MGST1: variants seen among roughly 807,000 people sequenced by gnomAD.
MGST1 encodes glutathione S-transferase 12.
A neutral mutation model predicts 8.9 loss-of-function variants in MGST1; 5 were observed. That is an observed-to-expected ratio of 0.56 (90% CI 0.29 to 1.19). The LOEUF is 1.19. Ranked by LOEUF, MGST1 falls within the 50% of genes most tolerant of loss-of-function variation. MGST1 has a pLI of 0.08. For synonymous variants in MGST1, 54 were observed against 67.8 expected (o/e 0.80, Z 1.00); for missense variants, 182 against 187.4 (o/e 0.97, Z 0.17).
At chr12:16,484,012 G>T (rs748557590) in intron 4 of MGST1, among the ~76,000 whole-genome samples, 12 of 152,192 alleles carry the variant, frequency 7.9e-5, no homozygotes. Context: ...TCTGACTACA[G>T]TGGGACCAAA....
chr12:16,352,029 A>G (rs1185291960), intron 1 of MGST1, among the ~76,000 whole-genome samples: 1 of 152,214 alleles, frequency 6.6e-6, no homozygotes, highest in Non-Finnish European at 1.5e-5. Context: ...AGCAGAATTA[A>G]TCAAGCCTCT....
intron 4 of MGST1, among the ~76,000 whole-genome samples, chr12:16,499,231 A>G (rs1402004104): frequency 6.6e-6 from 1 of 152,200 alleles, no homozygotes; most frequent in Non-Finnish European, 1.5e-5. Flanking sequence ...TACGTGGGTA[A>G]ATGCATAAAA....
intron 4 of MGST1, among the ~76,000 whole-genome samples, chr12:16,520,495 G>A (rs11056979): frequency 0.046 from 7,033 of 152,174 alleles, 416 homozygotes; most frequent in East Asian, 0.14. Flanking sequence ...GAGACTCGAA[G>A]AGCTGAGTCA....
At chr12:16,380,968 C>T (rs1445162255), downstream of MGST1, among the ~76,000 whole-genome samples, 1 of 152,044 alleles carries the variant, frequency 6.6e-6, no homozygotes, top group African/African-American at 2.4e-5. Flanking sequence ...ATTGCAATCC[C>T]TGCCTTTTTT....
intron 4 of MGST1, among the ~76,000 whole-genome samples, chr12:16,578,427 GAGA>G (rs1329789666): frequency 6.6e-6 from 1 of 152,220 alleles, no homozygotes; most frequent in African/African-American, 2.4e-5. Flanking sequence ...GAACAGGGAA[GAGA>G]AGAAGCAGTT....
At chr12:16,578,419 A>G (rs1943059454) in intron 4 of MGST1, among the ~76,000 whole-genome samples, 1 of 152,220 alleles carries the variant, frequency 6.6e-6, no homozygotes, top group Admixed American at 6.5e-5. Flanking sequence ...GGATGGAGGA[A>G]CAGGGAAGAG....
chr12:16,566,074 A>C (rs898377681), intron 4 of MGST1, among the ~76,000 whole-genome samples: 14 of 137,568 alleles, frequency 1.0e-4, no homozygotes, highest in African/African-American at 3.2e-4. Flanking sequence ...AAAAAGAATG[A>C]AATCCTGTCA....
In MGST1 at chr12:16,482,103, G is replaced by C. The variant is rs1340504834; in HGVS notation, n.482+98499G>C. On this transcript the variant is annotated intron_variant and non_coding_transcript_variant, in intron 4 of 4. Coordinates refer to the MGST1 transcript ENST00000538857. This position sits in a 1 kb window ranked among gnomAD's most constrained non-coding sequence, Gnocchi z 4.2. ...AAAATATAATAGTCAACATAAAATT[G>C]TATTCTAGCTAAATTTTACTTAAAA... 6.6e-6 allele frequency among the ~76,000 whole-genome samples: 1 copy of C among 152,086 alleles called. No homozygotes were observed. Among genetic ancestry groups the C allele is most frequent in the Admixed American group, 6.5e-5 (1 of 15,276 alleles).
intron 4 of MGST1, among the ~76,000 whole-genome samples, chr12:16,524,313 A>G (rs1941667749): frequency 6.6e-6 from 1 of 152,090 alleles, no homozygotes; most frequent in South Asian, 2.1e-4. Context: ...TTTGGTTCAG[A>G]ACTTTTTTGT....
rs9332944 is a variant in MGST1, at chr12:16,363,857, T to G, written c.284T>G (p.Leu95Trp). 6.2e-7 allele frequency: 1 copy of G among 1,613,656 alleles called. No individual in the cohort carries two copies. Among genetic ancestry groups the G allele is most frequent in the Non-Finnish European group, 8.5e-7 (1 of 1,179,652 alleles). The change falls in exon 4 of 4, where the codon TTG becomes TGG. Residue 95 changes from leucine to tryptophan, a missense_variant. By Grantham distance (61) the Leu-to-Trp change is moderately conservative (BLOSUM62 -2). Coordinates refer to ENST00000396210, the MANE Select transcript of MGST1 (RefSeq NM_020300.5). The surrounding 1 kb of genome is among the most constrained non-coding windows in gnomAD (Gnocchi z 4.6). The part of the protein sequence containing the change: ...PFLGIGLLYS[L>W]SGPDPSTAIL... ...CTTGGAATTGGCCTCCTGTATTCCT[T>G]GAGTGGTCCCGACCCCTCTACAGCC...
At chr12:16,360,195 C>G in intron 3 of MGST1, 1 of 247,026 alleles carries the variant, frequency 4.0e-6, no homozygotes, top group Middle Eastern at 2.0e-3. Context: ...GAAAAAGTGC[C>G]TAATAACACA....
At chr12:16,570,624 A>G (rs1591792890) in intron 4 of MGST1, among the ~76,000 whole-genome samples, 1 of 152,162 alleles carries the variant, frequency 6.6e-6, no homozygotes, top group East Asian at 1.9e-4. Flanking sequence ...AGAGCCACTT[A>G]CTCACTCAGG....
chr12:16,402,010 T>C (rs1940659941), intron 1 of MGST1: 5 of 1,608,232 alleles, frequency 3.1e-6, no homozygotes, highest in African/African-American at 2.7e-5. Flanking sequence ...TTGTCTTTGC[T>C]GAACACTCCA....
At chr12:16,382,769 G>A (rs1940468699), upstream of MGST1, 1 of 152,766 alleles carries the variant, frequency 6.5e-6, no homozygotes, top group Non-Finnish European at 1.5e-5. Flanking sequence ...AGGCCTCCTT[G>A]AGCTGTGGTG....
At chr12:16,403,723 C>T (rs1940678095) in intron 1 of MGST1, among the ~76,000 whole-genome samples, 1 of 152,010 alleles carries the variant, frequency 6.6e-6, no homozygotes, top group South Asian at 2.1e-4. Context: ...CCTCAGGAAA[C>T]TTATAGTCAT....
intron 1 of MGST1, among the ~76,000 whole-genome samples, chr12:16,351,042 GAA>G (rs974623315): frequency 6.6e-6 from 1 of 151,638 alleles, no homozygotes; most frequent in Non-Finnish European, 1.5e-5. Context: ...CAATGAGGGG[GAA>G]AAAAAAGTTC....
At chr12:16,480,140 T>G (rs1415764521) in intron 4 of MGST1, among the ~76,000 whole-genome samples, 2 of 150,498 alleles carry the variant, frequency 1.3e-5, no homozygotes, top group East Asian at 4.0e-4. Context: ...AATAAAAATT[T>G]GCTTTTTTTT....
intron 4 of MGST1, among the ~76,000 whole-genome samples, chr12:16,530,434 C>T (rs914042615): frequency 6.6e-6 from 1 of 152,064 alleles, no homozygotes; most frequent in Non-Finnish European, 1.5e-5. Flanking sequence ...CAAACAAAAA[C>T]TACAGGGAAC....
At chr12:16,554,376 C>G (rs1276817562) in intron 4 of MGST1, among the ~76,000 whole-genome samples, 1 of 152,128 alleles carries the variant, frequency 6.6e-6, no homozygotes, top group Admixed American at 6.5e-5. Context: ...TAGGGAGCTC[C>G]AATCCATATT....
Sources: gnomAD v4.1 joint callset for allele counts (sites outside exome capture counted in the v4.1 genomes callset) on GRCh38, gnomAD v4.1.1 for gene constraint, Gnocchi (gnomAD v3.1) non-coding constraint, MANE v1.5 for transcripts, NCBI Gene and HGNC (gene_info 2026-07-23, HGNC 2026-07-21) for gene names.